Variants in SYT1 observed in about 807,000 individuals in gnomAD.
SYT1 encodes synaptotagmin 1, also known as synaptotagmin-1.
Under a neutral mutation model 44.8 loss-of-function variants are expected in SYT1, and 8 were observed. The ratio of observed to expected loss-of-function variants is 0.18; its 90% CI spans 0.10 to 0.32. The LOEUF (loss-of-function observed/expected upper bound fraction) is 0.32. Ranked by LOEUF, SYT1 falls within the 10% of genes least tolerant of loss-of-function variation. The probability of loss-of-function intolerance (pLI) is 1.00; values close to 1 mark genes in which losing one functional copy is unlikely to be tolerated. For synonymous variants in SYT1, 154 were observed against 188.8 expected, an observed-to-expected ratio of 0.82 and a Z score of 1.51; for missense variants, 286 against 509.3, an observed-to-expected ratio of 0.56 and a Z score of 4.22.
At position 79,448,965 on chromosome 12, in the gene SYT1, G is replaced by A. The variant is rs1478791608; in HGVS notation, c.1110G>A (p.Lys370=). 1.2e-6 allele frequency: 2 copies of A among 1,614,202 alleles called. No homozygotes were observed. The highest frequency in any genetic ancestry group is 1.7e-6 in the Non-Finnish European group (2 of 1,180,020). The change falls in exon 11 of 11, where the codon AAG becomes AAA. Residue 370 remains lysine, a synonymous_variant. Coordinates refer to ENST00000261205, the MANE Select transcript of SYT1 (RefSeq NM_005639.3). The stretch of plus-strand genomic sequence containing the variant: ...TTTTGGACTATGACAAGATTGGCAA[G>A]AACGATGCCATCGGCAAAGTCTTTG... The part of the protein sequence containing the change: ...VTVLDYDKIG[K]NDAIGKVFVG...
intron 3 of SYT1, among the ~76,000 whole-genome samples, chr12:79,137,815 C>G (rs1239084302): frequency 6.6e-6 from 1 of 152,042 alleles, no homozygotes; most frequent in Non-Finnish European, 1.5e-5. Context: ...GCCTTGTTGA[C>G]CTTTCCTAGC....
intron 3 of SYT1, among the ~76,000 whole-genome samples, chr12:79,214,192 G>A (rs958152318): frequency 2.0e-5 from 3 of 152,050 alleles, no homozygotes; most frequent in African/African-American, 7.2e-5. Flanking sequence ...TGTATTTTAT[G>A]ATTTTTTTAA....
At chr12:79,238,307 T>G (rs752981583) in intron 4 of SYT1, among the ~76,000 whole-genome samples, 23 of 152,094 alleles carry the variant, frequency 1.5e-4, no homozygotes, top group Non-Finnish European at 3.1e-4. Context: ...CCCAACTTTT[T>G]TTTCTTTTTG....
At chr12:79,368,966 C>A (rs1264752770) in intron 9 of SYT1, among the ~76,000 whole-genome samples, 1 of 152,134 alleles carries the variant, frequency 6.6e-6, no homozygotes, top group Non-Finnish European at 1.5e-5. Context: ...GACATGAAGT[C>A]CTTGCCCATG....
At chr12:79,089,799 A>C (rs1043175753) in intron 3 of SYT1, among the ~76,000 whole-genome samples, 17 of 152,100 alleles carry the variant, frequency 1.1e-4, no homozygotes, top group African/African-American at 3.9e-4. Flanking sequence ...CTAAACTCCA[A>C]ATCAAATTGA....
intron 1 of SYT1, among the ~76,000 whole-genome samples, chr12:78,871,958 C>A (rs375917200): frequency 1.7e-4 from 26 of 151,726 alleles, no homozygotes; most frequent in Middle Eastern, 6.8e-3. Context: ...ATGTATAAAC[C>A]AGATCATTCT....
At chr12:79,149,245 G>T (rs1042351604) in intron 3 of SYT1, among the ~76,000 whole-genome samples, 1 of 152,002 alleles carries the variant, frequency 6.6e-6, no homozygotes, top group African/African-American at 2.4e-5. Context: ...TATTATGAAA[G>T]AAGAATGTGT....
chr12:78,939,862 G>A (rs1878258116), intron 1 of SYT1, among the ~76,000 whole-genome samples: 1 of 152,112 alleles, frequency 6.6e-6, no homozygotes, highest in African/African-American at 2.4e-5. Context: ...AGAAATTAGG[G>A]TTTCTGACAA....
At chr12:79,130,511 T>C (rs190967673) in intron 3 of SYT1, among the ~76,000 whole-genome samples, 2 of 152,296 alleles carry the variant, frequency 1.3e-5, no homozygotes, top group Admixed American at 1.3e-4. Context: ...AGATAATATA[T>C]TCAAGAAATT....
chr12:78,913,197 T>A (rs1876442070), intron 1 of SYT1, among the ~76,000 whole-genome samples: 1 of 151,424 alleles, frequency 6.6e-6, no homozygotes, highest in South Asian at 2.1e-4. Context: ...ATTATTGAAT[T>A]TATTTTGTTT....
intron 1 of SYT1, among the ~76,000 whole-genome samples, chr12:78,951,818 G>A (rs773118637): frequency 1.1e-4 from 16 of 152,108 alleles, no homozygotes; most frequent in Non-Finnish European, 1.8e-4. Flanking sequence ...CCTCCGTGCA[G>A]CTCCCAGTGA....
intron 4 of SYT1, among the ~76,000 whole-genome samples, chr12:79,284,364 T>G (rs1292565212): frequency 6.6e-6 from 1 of 152,204 alleles, no homozygotes; most frequent in African/African-American, 2.4e-5. Context: ...CCTGTAAACC[T>G]AAGCCTCTCC....
intron 2 of SYT1, among the ~76,000 whole-genome samples, chr12:79,012,003 G>A (rs1166491289): frequency 2.6e-5 from 4 of 151,818 alleles, no homozygotes; most frequent in African/African-American, 7.3e-5. Flanking sequence ...ATGGTGGTGT[G>A]CACCTGTAGT....
chr12:79,215,928 T>C (rs1451869684), intron 3 of SYT1, among the ~76,000 whole-genome samples: 4 of 126,316 alleles, frequency 3.2e-5, no homozygotes, highest in African/African-American at 6.2e-5. Flanking sequence ...CTTTTTTTTT[T>C]TTTTTTTTTT....
chr12:79,259,472 G>A (rs957002926), intron 4 of SYT1, among the ~76,000 whole-genome samples: 1 of 152,188 alleles, frequency 6.6e-6, no homozygotes. Flanking sequence ...GGTGGCTCAT[G>A]CCTATAATCC....
At position 79,293,395 on chromosome 12, in the gene SYT1, TAAAATAAAATA is replaced by T. The variant is rs1565894657; in HGVS notation, c.474+1269_474+1279del. ...TAAAATAAAATAAAATAAAATAAAA[TAAAATAAAATA>T]AAATTAAAAAATCTGTAAGACATAG... On this transcript the variant is annotated intron_variant, in intron 6 of 10. Transcript: ENST00000261205. Among the ~76,000 whole-genome samples the T allele has an allele frequency of 2.9e-3, 161 of 55,742 alleles. 1 individual carries two copies. In the South Asian group the frequency reaches 0.031, roughly 11 times the overall value. 36.6% of individuals were successfully genotyped at this position (55,742 alleles called of 152,430 possible). A position where few individuals can be genotyped will look rare whatever the true frequency, so the allele number is the denominator to read the frequency against.
chr12:78,882,915 T>C (rs1177957967), intron 1 of SYT1, among the ~76,000 whole-genome samples: 2 of 151,698 alleles, frequency 1.3e-5, no homozygotes, highest in Non-Finnish European at 3.0e-5. Flanking sequence ...ATGGGAACAG[T>C]CTGTGATCTT....
rs1459759551 is a variant in SYT1, at chr12:79,353,455, T to C, written c.811-47T>C. 3.0e-6 allele frequency: 4 copies of C among 1,331,830 alleles called. No individual in the cohort carries two copies. In the Admixed American group the frequency reaches 6.7e-5, roughly 22 times the overall value. The allele number at this position is 1,331,830 out of a possible 1,614,324, so 82.5% of individuals were successfully genotyped here. A position where few individuals can be genotyped will look rare whatever the true frequency, so the allele number is the denominator to read the frequency against. On this transcript the variant is annotated intron_variant, in intron 8 of 10. Coordinates refer to ENST00000261205, the MANE Select transcript of SYT1 (RefSeq NM_005639.3). ...ACAATATATATGTTAAAACTCTATT[T>C]ACTTGTATTTGAAAAATTGCTAATA...
chr12:78,995,763 C>A (rs930845900), intron 2 of SYT1: 1 of 152,066 alleles, frequency 6.6e-6, no homozygotes, highest in African/African-American at 2.4e-5. Context: ...ACCCAGCCTC[C>A]TTTCACTCCG....
Sources: gnomAD v4.1 joint callset for allele counts (sites outside exome capture counted in the v4.1 genomes callset) on GRCh38, gnomAD v4.1.1 for gene constraint, MANE v1.5 for transcripts, NCBI Gene and HGNC (gene_info 2026-07-23, HGNC 2026-07-21) for gene names.